IL2RA: variants seen among roughly 807,000 people sequenced by gnomAD.
IL2RA encodes the protein interleukin 2 receptor subunit alpha.
A neutral mutation model predicts 37.8 loss-of-function variants in IL2RA; 24 were observed. The observed-to-expected ratio is 0.63, with a 90% CI of 0.46 to 0.89. The LOEUF (loss-of-function observed/expected upper bound fraction) is 0.89, where lower values mean the gene tolerates loss of function less well. Among genes scored for constraint, IL2RA ranks in the 40% least tolerant of loss-of-function variants. The probability of loss-of-function intolerance (pLI) is 0.00; values close to 1 mark genes in which losing one functional copy is unlikely to be tolerated. For missense variants in IL2RA, 319 were observed against 348.6 expected (o/e 0.92, Z 0.68); for synonymous variants, 125 against 114.6 (o/e 1.09, Z -0.58).
chr10:6,027,848 A>G (rs1276344694), intron 1 of IL2RA, among the ~76,000 whole-genome samples: 1 of 152,194 alleles, frequency 6.6e-6, no homozygotes, highest in East Asian at 1.9e-4. Flanking sequence ...GGCACTTATT[A>G]TGGATCAACA....
At position 6,011,729 on chromosome 10, in the gene IL2RA, ATG is replaced by A. The variant is rs1839194335; in HGVS notation, c.*1141_*1142del. On this transcript the variant is annotated 3_prime_UTR_variant, in exon 8 of 8. Transcript: ENST00000379959. The surrounding 1 kb of genome is among the most constrained non-coding windows in gnomAD (Gnocchi z 5.2). ...AGCCAATTTCTAATTTTTTGTAGGG[ATG>A]TGTCTTGCTATGCTGCCCAGGCTGG... is the stretch of plus-strand genomic sequence containing the variant. 1 of 152,074 alleles carries A rather than the reference ATG, an allele frequency of 6.6e-6. No homozygotes were observed. The highest frequency in any genetic ancestry group is 6.6e-5 in the Admixed American group (1 of 15,248). 9.4% of individuals were successfully genotyped at this position (152,074 alleles called of 1,614,324 possible).
intron 1 of IL2RA, among the ~76,000 whole-genome samples, chr10:6,034,887 A>G (rs998564584): frequency 1.3e-5 from 2 of 152,182 alleles, no homozygotes; most frequent in African/African-American, 4.8e-5. Flanking sequence ...TCCTTAGAAG[A>G]GGGGAAGGGG....
At chr10:6,031,522 G>GTATATATATATATATATGTATATA (rs57251959) in intron 1 of IL2RA, among the ~76,000 whole-genome samples, 1 of 67,104 alleles carries the variant, frequency 1.5e-5, no homozygotes, top group Non-Finnish European at 3.1e-5. Context: ...GTATATATAT[G>GTATATATATATATATATGTATATA]TATATATATA....
intron 7 of IL2RA, among the ~76,000 whole-genome samples, chr10:6,017,371 G>C (rs778107462): frequency 6.6e-6 from 1 of 152,000 alleles, no homozygotes; most frequent in Non-Finnish European, 1.5e-5. Context: ...GAAAATCATG[G>C]GCTCTAGATT....
At chr10:6,034,250 T>C (rs1564546941) in intron 1 of IL2RA, among the ~76,000 whole-genome samples, 1 of 152,194 alleles carries the variant, frequency 6.6e-6, no homozygotes, top group Admixed American at 6.5e-5. Context: ...GAATCTTTCC[T>C]GGAATTTAGG....
In IL2RA at chr10:6,025,713, G is replaced by A; in HGVS notation, c.256+121C>T. ...GACTTTTCAGGAACCACTAAAATTAGTTATCCTGTAGACTGGACTGGCCCA... is the reference window on the plus strand; with the variant it reads ...GACTTTTCAGGAACCACTAAAATTAATTATCCTGTAGACTGGACTGGCCCA... On this transcript the variant is annotated intron_variant, in intron 2 of 7. Coordinates refer to ENST00000379959, the MANE Select transcript of IL2RA (RefSeq NM_000417.3). This position sits in a 1 kb window ranked among gnomAD's most constrained non-coding sequence, Gnocchi z 4.4. The A allele has an allele frequency of 1.1e-6, 1 of 930,866 alleles. No individual in the cohort carries two copies. Among genetic ancestry groups the A allele is most frequent in the Non-Finnish European group, 1.7e-6 (1 of 583,492 alleles). The allele number at this position is 930,866 out of a possible 1,614,324, so 57.7% of individuals were successfully genotyped here.
Position 6,044,996 on chromosome 10 carries a change from G to T in IL2RA, c.64+17092C>A, listed in dbSNP as rs754590398. 9.9e-5 allele frequency among the ~76,000 whole-genome samples: 15 copies of T among 152,220 alleles called. No individual in the cohort carries two copies. The highest frequency in any genetic ancestry group is 2.1e-4 in the Non-Finnish European group (14 of 68,044). The stretch of plus-strand genomic sequence containing the variant: ...GAAATGTGGGAGAAGTAAAGTGCCT[G>T]TCTCAGGGCTTGGGGGATTTAAGGA... On this transcript the variant is annotated intron_variant, in intron 1 of 7. Coordinates refer to ENST00000379959, the MANE Select transcript of IL2RA (RefSeq NM_000417.3). The surrounding 1 kb of genome is among the most constrained non-coding windows in gnomAD (Gnocchi z 4.5).
chr10:6,042,340 GA>G (rs1348524551), intron 1 of IL2RA, among the ~76,000 whole-genome samples: 15 of 151,094 alleles, frequency 9.9e-5, no homozygotes, highest in East Asian at 3.9e-4. Context: ...TTGATTAAAA[GA>G]AAAAAAACTT....
chr10:6,042,008 G>A (rs1411359256), intron 1 of IL2RA, among the ~76,000 whole-genome samples: 2 of 151,540 alleles, frequency 1.3e-5, no homozygotes, highest in Non-Finnish European at 2.9e-5. Context: ...AATTATTCTG[G>A]AAGTTATGAT....
At chr10:6,017,425 G>A (rs1221950970) in intron 7 of IL2RA, among the ~76,000 whole-genome samples, 2 of 152,080 alleles carry the variant, frequency 1.3e-5, no homozygotes, top group South Asian at 2.1e-4. Context: ...TCTCCAAGCT[G>A]TTGCATCTCT....
intron 3 of IL2RA, among the ~76,000 whole-genome samples, chr10:6,023,935 GCA>G (rs1002823343): frequency 2.0e-5 from 3 of 152,228 alleles, no homozygotes; most frequent in African/African-American, 7.2e-5. Context: ...GCAGGGCCTG[GCA>G]CACAGACCCA....
rs753651155 is a variant in IL2RA, at chr10:6,022,024, C to T, written c.368-331G>A. Reference sequence around the variant, plus strand: ...CGGCCCCGAGACAGGAACGCCACAACTGCCTCTTGGAAGACAGTGCAGGTG... The same window carrying T: ...CGGCCCCGAGACAGGAACGCCACAATTGCCTCTTGGAAGACAGTGCAGGTG... On this transcript the variant is annotated intron_variant, in intron 3 of 7. Coordinates refer to ENST00000379959, the MANE Select transcript of IL2RA (RefSeq NM_000417.3). This position sits in a 1 kb window ranked among gnomAD's most constrained non-coding sequence, Gnocchi z 4.7. Among the ~76,000 whole-genome samples the T allele has an allele frequency of 4.6e-5, 7 of 152,064 alleles. No individual in the cohort carries two copies. The highest frequency in any genetic ancestry group is 8.8e-5 in the Non-Finnish European group (6 of 68,018).
chr10:6,038,986 T>C (rs1431967134), intron 1 of IL2RA, among the ~76,000 whole-genome samples: 1 of 152,210 alleles, frequency 6.6e-6, no homozygotes, highest in African/African-American at 2.4e-5. Context: ...TCAAACTATA[T>C]CAGTAATAAT....
rs117378368 is a variant in IL2RA, at chr10:6,059,709, C to A, written c.64+2379G>T. Among the ~76,000 whole-genome samples, 129 of 152,272 alleles carry A rather than the reference C, an allele frequency of 8.5e-4. 3 individuals are homozygous for A. The East Asian group carries it at 0.022, about 26-fold the overall frequency. ...CCACCTGCTGCTCCCTAAGGCACTC[C>A]TGTGTTTTGGCTCATTGGGGTCTCT... On this transcript the variant is annotated intron_variant, in intron 1 of 7. Coordinates refer to ENST00000379959, the MANE Select transcript of IL2RA (RefSeq NM_000417.3).
Position 6,024,459 on chromosome 10 carries a change from G to A in IL2RA, c.257-105C>T, listed in dbSNP as rs1420122998. Reference sequence around the variant, plus strand: ...AGAAGCACACCTGTCCAGGGCCCACGATGTGTCTGGTGGTGTCTGGCTGCT... The same window carrying A: ...AGAAGCACACCTGTCCAGGGCCCACAATGTGTCTGGTGGTGTCTGGCTGCT... On this transcript the variant is annotated intron_variant, in intron 2 of 7. Transcript: ENST00000379959. The A allele has an allele frequency of 4.4e-5, 37 of 834,476 alleles. No individual in the cohort carries two copies. In the Admixed American group the frequency reaches 6.2e-4, roughly 14 times the overall value. 51.7% of individuals were successfully genotyped at this position (834,476 alleles called of 1,614,324 possible).
Position 6,021,589 on chromosome 10 carries a change from C to A in IL2RA, c.472G>T (p.Ala158Ser). 1 of 1,613,950 alleles carries A rather than the reference C, an allele frequency of 6.2e-7. No homozygotes were observed. The highest frequency in any genetic ancestry group is 1.1e-5 in the South Asian group (1 of 91,060). The change falls in exon 4 of 8, where the codon GCT (alanine) becomes TCT (serine). Residue 158 changes from alanine (A) to serine (S), a missense_variant. Transcript: ENST00000379959. This position sits in a 1 kb window ranked among gnomAD's most constrained non-coding sequence, Gnocchi z 4.9. ...CTCTCAGCAGGACCTCTGTGTAGAG[C>A]CCTGTATCCCTGGACGCACTGATAA... ...VYYQCVQGYRALHRGPAESVC... is the reference protein window; with the variant it reads ...VYYQCVQGYRSLHRGPAESVC...
rs1839363202 is a variant in IL2RA, at chr10:6,020,253, CATA to C, written c.584-315_584-313del. Among the ~76,000 whole-genome samples the C allele has an allele frequency of 3.3e-5, 5 of 152,294 alleles. No individual in the cohort carries two copies. The South Asian group carries it at 1.0e-3, about 32-fold the overall frequency. ...TTCCATCTGTGACTTGGAAACAGGT[CATA>C]ATAATACGAATGCCATTGAACCACT... On this transcript the variant is annotated intron_variant, in intron 4 of 7. Coordinates refer to ENST00000379959, the MANE Select transcript of IL2RA (RefSeq NM_000417.3). The surrounding 1 kb of genome is among the most constrained non-coding windows in gnomAD (Gnocchi z 5.6).
intron 2 of IL2RA, among the ~76,000 whole-genome samples, chr10:6,024,605 G>A (rs2031229): frequency 0.19 from 28,540 of 148,006 alleles, 3,293 homozygotes; most frequent in East Asian, 0.28. Context: ...TGCATGTCAT[G>A]TATGTTACGT....
In IL2RA at chr10:6,021,367, A is replaced by T; in HGVS notation, c.583+111T>A. ...AAAAAATGGAAGCCCAGGGAGATCA[A>T]GGGTCTTGTCCAAGGACCACTCTTG... On this transcript the variant is annotated intron_variant, in intron 4 of 7. Coordinates refer to ENST00000379959, the MANE Select transcript of IL2RA (RefSeq NM_000417.3). This position sits in a 1 kb window ranked among gnomAD's most constrained non-coding sequence, Gnocchi z 4.9. 1.1e-6 allele frequency: 1 copy of T among 923,078 alleles called. No individual in the cohort carries two copies. The highest frequency in any genetic ancestry group is 1.8e-6 in the Non-Finnish European group (1 of 559,294). The allele number at this position is 923,078 out of a possible 1,614,324, so 57.2% of individuals were successfully genotyped here. A position where few individuals can be genotyped will look rare whatever the true frequency, so the allele number is the denominator to read the frequency against.
Sources: gnomAD v4.1 joint callset for allele counts (sites outside exome capture counted in the v4.1 genomes callset) on GRCh38, gnomAD v4.1.1 for gene constraint, Gnocchi (gnomAD v3.1) non-coding constraint, MANE v1.5 for transcripts, NCBI Gene and HGNC (gene_info 2026-07-23, HGNC 2026-07-21) for gene names.